Variants in CDH18 observed in about 807,000 individuals in gnomAD.
CDH18 encodes the protein cadherin 18.
In CDH18, 31 loss-of-function variants were observed where a neutral mutation model predicts 67.9. That is an observed-to-expected ratio of 0.46 (90% CI 0.34 to 0.62). The LOEUF is 0.62. Ranked by LOEUF, CDH18 falls within the 20% of genes least tolerant of loss-of-function variation. The probability of loss-of-function intolerance (pLI) is 0.01; values close to 1 mark genes in which losing one functional copy is unlikely to be tolerated. For missense variants in CDH18, 890 were observed against 975.5 expected, an observed-to-expected ratio of 0.91 and a Z score of 1.17; for synonymous variants, 362 against 347.2, an observed-to-expected ratio of 1.04 and a Z score of -0.48.
At chr5:20,556,981 C>T (rs1039549296) in intron 1 of CDH18, among the ~76,000 whole-genome samples, 1 of 151,958 alleles carries the variant, frequency 6.6e-6, no homozygotes, top group Non-Finnish European at 1.5e-5. Context: ...AAAACCTATT[C>T]CTAAGAGAAA....
intron 2 of CDH18, among the ~76,000 whole-genome samples, chr5:20,217,752 C>T (rs1009795610): frequency 2.0e-5 from 3 of 151,548 alleles, no homozygotes; most frequent in African/African-American, 7.3e-5. Flanking sequence ...TAAAAAAAGA[C>T]CAAATGATTT....
intron 1 of CDH18, among the ~76,000 whole-genome samples, chr5:20,559,962 GGA>G (rs1201130621): frequency 8.8e-3 from 1 of 114 alleles, no homozygotes; most frequent in Non-Finnish European, 0.02. Context: ...GTTGCCTAAA[GGA>G]GTTTGGTTGA....
At chr5:20,132,872 C>T (rs755824087) in intron 2 of CDH18, among the ~76,000 whole-genome samples, 2 of 151,992 alleles carry the variant, frequency 1.3e-5, no homozygotes, top group Non-Finnish European at 1.5e-5. Context: ...GGAGTAAAAA[C>T]GTTATTTTCC....
At chr5:19,671,698 A>G (rs141915584) in intron 5 of CDH18, among the ~76,000 whole-genome samples, 1 of 152,266 alleles carries the variant, frequency 6.6e-6, no homozygotes, top group African/African-American at 2.4e-5. Context: ...TGATGGATAA[A>G]CTGGATCATG....
intron 1 of CDH18, among the ~76,000 whole-genome samples, chr5:20,516,135 T>C (rs1755351611): frequency 6.6e-6 from 1 of 151,942 alleles, no homozygotes; most frequent in Non-Finnish European, 1.5e-5. Flanking sequence ...TTGTAAGAGG[T>C]TTGTAGTACT....
chr5:20,572,281 C>T (rs1758862953), intron 1 of CDH18, among the ~76,000 whole-genome samples: 2 of 151,732 alleles, frequency 1.3e-5, no homozygotes, highest in Admixed American at 1.3e-4. Flanking sequence ...CTCCTGAAAG[C>T]AAACTGCATG....
Position 20,561,604 on chromosome 5 carries a change from C to T in CDH18, c.-580+13858G>A, listed in dbSNP as rs75747836. On this transcript the variant is annotated intron_variant, in intron 1 of 14. Transcript: ENST00000507958. ...CCAGGGGTAAGGGTGGAAGGAGAAA[C>T]GAATAGGTCAAGCATAGAAGATTTT... 4.1e-4 allele frequency among the ~76,000 whole-genome samples: 63 copies of T among 151,868 alleles called. No homozygotes were observed. In the East Asian group the frequency reaches 8.1e-3, roughly 20 times the overall value.
intron 2 of CDH18, among the ~76,000 whole-genome samples, chr5:20,108,005 T>C (rs1747120317): frequency 6.7e-6 from 1 of 150,126 alleles, no homozygotes; most frequent in Non-Finnish European, 1.5e-5. Context: ...AGGATACTAG[T>C]CATATTGAAT....
intron 1 of CDH18, among the ~76,000 whole-genome samples, chr5:20,464,985 T>C (rs960682163): frequency 2.6e-5 from 4 of 152,098 alleles, no homozygotes; most frequent in Non-Finnish European, 5.9e-5. Context: ...AGACATTGGA[T>C]TTGTTAATTA....
chr5:19,753,757 C>T (rs942166606), intron 3 of CDH18, among the ~76,000 whole-genome samples: 10 of 152,188 alleles, frequency 6.6e-5, no homozygotes, highest in Non-Finnish European at 1.5e-4. Context: ...AAAGGAAAAC[C>T]TATCAGATTG....
intron 5 of CDH18, among the ~76,000 whole-genome samples, chr5:19,711,037 T>C (rs921938617): frequency 2.6e-5 from 4 of 151,904 alleles, no homozygotes; most frequent in African/African-American, 4.8e-5. Flanking sequence ...TCTGGGAAAA[T>C]TGGATTGTCA....
chr5:19,739,159 T>C (rs1484716279), intron 4 of CDH18, among the ~76,000 whole-genome samples: 2 of 152,128 alleles, frequency 1.3e-5, no homozygotes, highest in African/African-American at 4.8e-5. Context: ...CTAGACGTAA[T>C]TGTAGGTGGA....
chr5:20,544,556 T>A (rs1263859652), intron 1 of CDH18, among the ~76,000 whole-genome samples: 1 of 150,662 alleles, frequency 6.6e-6, no homozygotes, highest in Admixed American at 6.6e-5. Context: ...AAGGCACATC[T>A]TACATGGCAG....
intron 1 of CDH18, among the ~76,000 whole-genome samples, chr5:20,460,834 T>G (rs1751214354): frequency 6.6e-6 from 1 of 152,218 alleles, no homozygotes; most frequent in Non-Finnish European, 1.5e-5. Flanking sequence ...TACAAATGTC[T>G]GCTAAATCTC....
chr5:20,306,950 GA>G (rs60854522), intron 1 of CDH18, among the ~76,000 whole-genome samples: 64,279 of 151,826 alleles, frequency 0.42, 15,734 homozygotes, highest in Middle Eastern at 0.61. Context: ...ATAGTTATAG[GA>G]AAAAATAACA....
rs540791167 is a variant in CDH18 at position 19,935,179 on chromosome 5, C to A, written c.-257+45881G>T. On this transcript the variant is annotated intron_variant, in intron 2 of 12. Transcript: ENST00000382275. Reference sequence around the variant, plus strand: ...CCCTTACAGTTCATTAGAAATATACCTGTTCATGACCAGCTTCTTACATCT... The same window carrying A: ...CCCTTACAGTTCATTAGAAATATACATGTTCATGACCAGCTTCTTACATCT... Among the ~76,000 whole-genome samples, 5 of 151,318 alleles carry A rather than the reference C, an allele frequency of 3.3e-5. No homozygotes were observed. In the South Asian group the frequency reaches 1.0e-3, roughly 31 times the overall value.
intron 2 of CDH18, among the ~76,000 whole-genome samples, chr5:20,058,032 A>G (rs769357707): frequency 1.3e-5 from 2 of 152,188 alleles, no homozygotes; most frequent in Non-Finnish European, 2.9e-5. Context: ...TGAGAGAATA[A>G]AGATGATCTT....
chr5:20,242,636 A>ATATATATATATATATATATG (rs1743062374), intron 2 of CDH18, among the ~76,000 whole-genome samples: 5 of 58,388 alleles, frequency 8.6e-5, no homozygotes, highest in African/African-American at 4.6e-4. Flanking sequence ...ATATATATGT[A>ATATATATATATATATATATG]TATATATATA....
At chr5:19,582,626 GT>G (rs981205648) in intron 7 of CDH18, among the ~76,000 whole-genome samples, 4 of 151,932 alleles carry the variant, frequency 2.6e-5, no homozygotes, top group South Asian at 2.1e-4. Context: ...ACTTAGTTGA[GT>G]TTTTTTTGAT....
Sources: gnomAD v4.1 joint callset for allele counts (sites outside exome capture counted in the v4.1 genomes callset) on GRCh38, gnomAD v4.1.1 for gene constraint, MANE v1.5 for transcripts, NCBI Gene and HGNC (gene_info 2026-07-23, HGNC 2026-07-21) for gene names.